DPRX: variants seen among roughly 807,000 people sequenced by gnomAD.
The protein encoded by DPRX is divergent paired-related homeobox.
A neutral mutation model predicts 8.4 loss-of-function variants in DPRX; 11 were observed. The observed-to-expected ratio is 1.31, with a 90% confidence interval of 0.82 to 2.17. The LOEUF (loss-of-function observed/expected upper bound fraction) is 2.17, where lower values mean the gene tolerates loss of function less well. Ranked by LOEUF, DPRX falls within the 30% of genes most tolerant of loss-of-function variation. DPRX has a pLI of 0.00. For missense variants in DPRX, 211 were observed against 236.7 expected, an observed-to-expected ratio of 0.89 and a Z score of 0.71; for synonymous variants, 72 against 87.0, an observed-to-expected ratio of 0.83 and a Z score of 0.96.
At chr19:53,611,850 G>A in the DPRX span, among the ~76,000 whole-genome samples, 3 of 151,894 alleles carry the variant, frequency 2.0e-5, no homozygotes, top group African/African-American at 4.8e-5. Flanking sequence ...CTGGAAGGCC[G>A]AGGCAGGTGG....
Position 53,634,511 on chromosome 19 carries a change from C to A in DPRX, c.29-20C>A. On this transcript the variant is annotated intron_variant, in intron 1 of 2. Coordinates refer to ENST00000376650, the Ensembl canonical transcript of DPRX. ...AGTTGTTAGCATTTCCCATTTGTGT[C>A]TTTTTCCTCCTCTTTCAAGGCAAGG... The A allele has an allele frequency of 6.3e-7, 1 of 1,598,762 alleles. No individual in the cohort carries two copies. The highest frequency in any genetic ancestry group is 8.5e-7 in the Non-Finnish European group (1 of 1,174,614).
chr19:53,636,736 C>T, exon 3 of DPRX: 1 of 1,614,178 alleles, frequency 6.2e-7, no homozygotes, highest in Non-Finnish European at 8.5e-7. Flanking sequence ...ACACACTACC[C>T]AGATTGCCCA....
chr19:53,603,139 C>T, the DPRX span, among the ~76,000 whole-genome samples: 4 of 151,280 alleles, frequency 2.6e-5, no homozygotes, highest in East Asian at 5.9e-4. Context: ...GAAGCCTCGA[C>T]TGCCCAGGCT....
chr19:53,636,997 A>G, exon 3 of DPRX: 1 of 1,583,798 alleles, frequency 6.3e-7, no homozygotes, highest in Non-Finnish European at 8.6e-7. Context: ...GATAAATACA[A>G]AAAGTCACAT....
At chr19:53,627,096 C>G (rs553899154), upstream of DPRX, among the ~76,000 whole-genome samples, 2 of 152,104 alleles carry the variant, frequency 1.3e-5, no homozygotes, top group Admixed American at 1.3e-4. Flanking sequence ...GCCCTATTTG[C>G]GCAGTAGAAG....
chr19:53,608,661 G>A, the DPRX span, among the ~76,000 whole-genome samples: 1 of 152,136 alleles, frequency 6.6e-6, no homozygotes, highest in Admixed American at 6.6e-5. Flanking sequence ...CTTTCAAATG[G>A]TTCATTTCAG....
the DPRX span, among the ~76,000 whole-genome samples, chr19:53,619,550 T>C: frequency 5.3e-5 from 8 of 151,656 alleles, no homozygotes; most frequent in Admixed American, 2.0e-4. Flanking sequence ...TGGTGCATGC[T>C]TGTAATCCCA....
chr19:53,609,539 AATGGTACAG>A, the DPRX span, among the ~76,000 whole-genome samples: 2 of 150,594 alleles, frequency 1.3e-5, no homozygotes, highest in African/African-American at 4.9e-5. Flanking sequence ...CATATAGAGC[AATGGTACAG>A]TATAGAAAAT....
At chr19:53,623,900 A>G in the DPRX span, among the ~76,000 whole-genome samples, 1 of 151,750 alleles carries the variant, frequency 6.6e-6, no homozygotes, top group African/African-American at 2.4e-5. Flanking sequence ...CAGTGAGCCA[A>G]GATTGCGCCA....
chr19:53,601,241 C>CT, the DPRX span: 363 of 456,078 alleles, frequency 8.0e-4, 3 homozygotes, highest in East Asian at 4.6e-3. Flanking sequence ...CAAGAGGCCT[C>CT]TTTTTTTCCA....
the DPRX span, among the ~76,000 whole-genome samples, chr19:53,623,364 C>T: frequency 6.6e-6 from 1 of 151,096 alleles, no homozygotes; most frequent in African/African-American, 2.4e-5. Context: ...CCTGGCTGGG[C>T]ATGGTGGCTC....
the DPRX span, among the ~76,000 whole-genome samples, chr19:53,609,970 G>T: frequency 1.3e-5 from 2 of 150,550 alleles, no homozygotes; most frequent in African/African-American, 2.4e-5. Context: ...GGGCAACAGA[G>T]CAAGACTCCA....
At chr19:53,630,710 T>C (rs1295912100), upstream of DPRX, among the ~76,000 whole-genome samples, 2 of 151,856 alleles carry the variant, frequency 1.3e-5, no homozygotes, top group Non-Finnish European at 2.9e-5. Flanking sequence ...CAAGTAGAGA[T>C]GTGCAGAACT....
At chr19:53,636,670 A>G in exon 3 of DPRX, 1 of 1,614,146 alleles carries the variant, frequency 6.2e-7, no homozygotes. Context: ...AAGAAACTCC[A>G]CAACCGCCAA....
intron 1 of DPRX, 106 bp from the exon 2 acceptor site, chr19:53,634,425 A>T: frequency 7.1e-7 from 1 of 1,406,570 alleles, no homozygotes; most frequent in Non-Finnish European, 9.6e-7. Context: ...AACCTCAGTC[A>T]CTTGATCATC....
chr19:53,635,238 G>A (rs749732060), intron 2 of DPRX, among the ~76,000 whole-genome samples: 29 of 152,164 alleles, frequency 1.9e-4, no homozygotes, highest in Non-Finnish European at 3.4e-4. Context: ...TTGAACTCCT[G>A]GTCTCAAGTG....
the DPRX span, among the ~76,000 whole-genome samples, chr19:53,623,404 C>T: frequency 7.3e-5 from 11 of 151,204 alleles, no homozygotes; most frequent in Admixed American, 7.3e-4. Flanking sequence ...TTTGGGAGGC[C>T]GAGGAGGGCG....
the DPRX span, chr19:53,617,328 G>T: frequency 1.7e-6 from 1 of 577,826 alleles, no homozygotes; most frequent in Non-Finnish European, 3.2e-6. Context: ...GGAGGCCGAG[G>T]CGAGCGGATT....
the DPRX span, among the ~76,000 whole-genome samples, chr19:53,614,243 C>A: frequency 6.6e-6 from 1 of 152,200 alleles, no homozygotes; most frequent in African/African-American, 2.4e-5. Context: ...AGCCACTGCA[C>A]CTGGCCTAAA....
Sources: gnomAD v4.1 joint callset for allele counts (sites outside exome capture counted in the v4.1 genomes callset) on GRCh38, gnomAD v4.1.1 for gene constraint, MANE v1.5 for transcripts, NCBI Gene and HGNC (gene_info 2026-07-23, HGNC 2026-07-21) for gene names.